Variants in TRAF7 observed in about 807,000 individuals in gnomAD.
The protein encoded by TRAF7 is E3 ubiquitin-protein ligase TRAF7.
In TRAF7, 45 loss-of-function variants were observed where a neutral mutation model predicts 89.3. The observed-to-expected ratio is 0.50, with a 90% CI of 0.40 to 0.65. TRAF7 has a LOEUF of 0.65. TRAF7 is among the 30% of genes least tolerant of loss of function. The pLI is 0.00. For missense variants in TRAF7, 677 were observed against 918.1 expected (o/e 0.74, Z 3.39); for synonymous variants, 406 against 369.2 (o/e 1.10, Z -1.14).
chr16:2,176,905 C>T lies in TRAF7; in HGVS notation c.*331C>T, dbSNP rs759441431. 1.4e-5 allele frequency: 7 copies of T among 500,842 alleles called. No homozygotes were observed. Among genetic ancestry groups the T allele is most frequent in the East Asian group, 1.0e-4 (3 of 28,788 alleles). The allele number at this position is 500,842 out of a possible 1,614,324, so 31.0% of individuals were successfully genotyped here. A position where few individuals can be genotyped will look rare whatever the true frequency, so the allele number is the denominator to read the frequency against. ...TTTAGACTGTATGTAGATTTGGTTACCTCCTGGTTGAAATAAATGCTCCAC... is the reference window on the plus strand; with the variant it reads ...TTTAGACTGTATGTAGATTTGGTTATCTCCTGGTTGAAATAAATGCTCCAC... On this transcript the variant is annotated 3_prime_UTR_variant, in exon 21 of 21. Transcript: ENST00000326181.
At position 2,165,883 on chromosome 16, in the gene TRAF7, G is replaced by T. The variant is rs1296845558; in HGVS notation, c.86G>T (p.Arg29Ile). The T allele has an allele frequency of 1.9e-6, 3 of 1,614,122 alleles. No homozygotes were observed. The highest frequency in any genetic ancestry group is 2.5e-6 in the Non-Finnish European group (3 of 1,179,968). Residue 29 changes from arginine to isoleucine, a missense_variant, in exon 3 of 21, where the codon AGA (arginine) becomes ATA (isoleucine). Arg to Ile is a moderately conservative substitution (Grantham distance 97). This residue lies in a region of TRAF7 where 240 missense variants were observed against 191.9 expected (regional missense o/e 1.25). Transcript: ENST00000326181. ...LPTPDVTTGT[R>I]METTFGPAFS... ...TCTCCTCCGTCCTCCCTCTAGACCA[G>T]AATGGAAACGACCTTCGGACCCGCC...
chr16:2,165,205 G>T (rs2093079090), intron 2 of TRAF7, among the ~76,000 whole-genome samples: 1 of 143,446 alleles, frequency 7.0e-6, no homozygotes, highest in Non-Finnish European at 1.5e-5. Flanking sequence ...GTGCTGCATG[G>T]CCTGGCCTGG....
chr16:2,165,839 G>T (rs780209037), intron 2 of TRAF7, 40 bp from the exon 3 acceptor site: 2 of 1,613,288 alleles, frequency 1.2e-6, no homozygotes, highest in Non-Finnish European at 1.7e-6. Flanking sequence ...TCCTCCTTGT[G>T]TCCCGGAATG....
intron 5 of TRAF7, 34 bp downstream of exon 5, chr16:2,170,764 C>T: frequency 6.4e-7 from 1 of 1,559,138 alleles, no homozygotes. Context: ...GAGCGGCTTC[C>T]AGGGCTGTCA....
chr16:2,156,294 T>C (rs141982173), intron 1 of TRAF7, among the ~76,000 whole-genome samples: 1 of 152,224 alleles, frequency 6.6e-6, no homozygotes, highest in East Asian at 1.9e-4. Flanking sequence ...TTGTAGGATG[T>C]GGAACAGCTT....
At position 2,158,594 on chromosome 16, in the gene TRAF7, G is replaced by A. The variant is rs1012824669; in HGVS notation, c.-39+2736G>A. 2.0e-5 allele frequency among the ~76,000 whole-genome samples: 3 copies of A among 152,228 alleles called. No homozygotes were observed. Among genetic ancestry groups the A allele is most frequent in the African/African-American group, 7.2e-5 (3 of 41,446 alleles). On this transcript the variant is annotated intron_variant, in intron 1 of 20. Transcript: ENST00000326181. The surrounding 1 kb of genome is among the most constrained non-coding windows in gnomAD (Gnocchi z 4.7). ...TGGCATGAGGGCGCTGGGTGACTGA[G>A]GGGGTCAGTGGTCTCTGCCCTCACA...
In TRAF7 at chr16:2,173,949, CA is replaced by C; in HGVS notation, c.1167del (p.Thr391ProfsTer82). 6.3e-7 allele frequency: 1 copy of C among 1,579,410 alleles called. No homozygotes were observed. The highest frequency in any genetic ancestry group is 8.6e-7 in the Non-Finnish European group (1 of 1,161,534). ...ACGACCCTCAGCAGATCTTCAAGTG[CA>C]AAGGGACCTTTGTGGGCCACCAGGG... Reference protein sequence around the residue: ...SYDPQQIFKCKGTFVGHQGPV... With the variant: ...SYDPQQIFKCXGTFVGHQGPV... On this transcript the variant is annotated frameshift_variant, in exon 13 of 21. Coordinates refer to ENST00000326181, the MANE Select transcript of TRAF7 (RefSeq NM_032271.3). LOFTEE classifies it high-confidence loss of function.
At position 2,163,571 on chromosome 16, in the gene TRAF7, G is replaced by A. The variant is rs1351411482; in HGVS notation, c.-38-312G>A. On this transcript the variant is annotated intron_variant, in intron 1 of 20. Coordinates refer to ENST00000326181, the MANE Select transcript of TRAF7 (RefSeq NM_032271.3). This position sits in a 1 kb window ranked among gnomAD's most constrained non-coding sequence, Gnocchi z 4.3. ...ACTGGCTGTGACTCAGGACCCAGAG[G>A]AGTAGAGGGAGCCAGGCAGGGGTCC... The A allele has an allele frequency of 2.8e-6, 1 of 358,598 alleles. No individual in the cohort carries two copies. The highest frequency in any genetic ancestry group is 5.3e-6 in the Non-Finnish European group (1 of 188,022). 22.2% of individuals were successfully genotyped at this position (358,598 alleles called of 1,614,324 possible).
chr16:2,166,083 C>T lies in TRAF7; in HGVS notation c.139+147C>T, dbSNP rs1596672567. 2.8e-5 allele frequency: 26 copies of T among 924,442 alleles called. No homozygotes were observed. The East Asian group carries it at 6.5e-4, about 23-fold the overall frequency. The allele number at this position is 924,442 out of a possible 1,614,324, so 57.3% of individuals were successfully genotyped here. Reference sequence around the variant, plus strand: ...GGCAGCCTCACACCGCAGCCTGTGTCCTCACAGCCTCTCAGCCCTGGGCCT... The same window carrying T: ...GGCAGCCTCACACCGCAGCCTGTGTTCTCACAGCCTCTCAGCCCTGGGCCT... On this transcript the variant is annotated intron_variant, in intron 3 of 20. Transcript: ENST00000326181.
intron 7 of TRAF7, 32 bp downstream of exon 7, chr16:2,171,637 C>T (rs762247279): frequency 1.4e-5 from 22 of 1,612,900 alleles, no homozygotes; most frequent in Middle Eastern, 1.6e-4. Context: ...GGCCTGACGC[C>T]GACCGTGCCC....
At chr16:2,164,656 G>A (rs1196205910) in intron 2 of TRAF7, among the ~76,000 whole-genome samples, 5 of 142,070 alleles carry the variant, frequency 3.5e-5, no homozygotes, top group Middle Eastern at 4.6e-3. Context: ...ATGGTTAAGC[G>A]TGTGAGTGCT....
At chr16:2,176,443 GA>G in intron 20 of TRAF7, 59 bp downstream of exon 20, 1 of 1,612,416 alleles carries the variant, frequency 6.2e-7, no homozygotes, top group Admixed American at 1.7e-5. Context: ...CGGGGGTGGG[GA>G]CGAGGAGCTG....
rs578107294 is a variant in TRAF7, at chr16:2,158,361, G to A, written c.-39+2503G>A. ...GCAGCCAGGTGGGGCAGGTGAAAGGGGAAAGCGGGCACTGGAGGCTGGGGC... is the reference window on the plus strand; with the variant it reads ...GCAGCCAGGTGGGGCAGGTGAAAGGAGAAAGCGGGCACTGGAGGCTGGGGC... On this transcript the variant is annotated intron_variant, in intron 1 of 20. Coordinates refer to ENST00000326181, the MANE Select transcript of TRAF7 (RefSeq NM_032271.3). The surrounding 1 kb of genome is among the most constrained non-coding windows in gnomAD (Gnocchi z 4.7). Among the ~76,000 whole-genome samples, 4 of 152,332 alleles carry A rather than the reference G, an allele frequency of 2.6e-5. No individual in the cohort carries two copies. In the East Asian group the frequency reaches 7.7e-4, roughly 29 times the overall value.
In TRAF7 at chr16:2,156,739, C is replaced by CG. The variant is rs976880499; in HGVS notation, c.-39+888dup. 1.6e-4 allele frequency among the ~76,000 whole-genome samples: 11 copies of CG among 67,950 alleles called. No individual in the cohort carries two copies. The South Asian group carries it at 1.9e-3, about 12-fold the overall frequency. The allele number at this position is 67,950 out of a possible 152,430, so 44.6% of individuals were successfully genotyped here. On this transcript the variant is annotated intron_variant, in intron 1 of 20. Transcript: ENST00000326181. ...TCACAGGGTGCATGGTGGGGTGGGG[C>CG]GGGGGGGTTATTATGCTGGCAAATG... is the stretch of plus-strand genomic sequence containing the variant.
intron 3 of TRAF7, among the ~76,000 whole-genome samples, chr16:2,166,999 G>T (rs550759918): frequency 6.6e-6 from 1 of 152,200 alleles, no homozygotes; most frequent in East Asian, 1.9e-4. Context: ...TGATAAACCT[G>T]GCCATGGGGT....
At chr16:2,173,677 G>A in intron 11 of TRAF7, 111 bp from the exon 12 acceptor site, 8 of 1,572,672 alleles carry the variant, frequency 5.1e-6, no homozygotes, top group Non-Finnish European at 7.0e-6. Context: ...TGTGGCAGGG[G>A]CTGCTGTCAC....
chr16:2,172,648 A>G, intron 9 of TRAF7, 49 bp downstream of exon 9: 1 of 1,527,764 alleles, frequency 6.5e-7, no homozygotes. Context: ...CAGGCCCTCC[A>G]CAGGCTCCGC....
intron 20 of TRAF7, 62 bp downstream of exon 20, chr16:2,176,446 G>A (rs979390711): frequency 2.2e-5 from 35 of 1,612,216 alleles, no homozygotes; most frequent in Non-Finnish European, 1.4e-5. Context: ...GGGTGGGGAC[G>A]AGGAGCTGGC....
chr16:2,176,658 G>A lies in TRAF7; in HGVS notation c.*84G>A, dbSNP rs2093138328. The stretch of plus-strand genomic sequence containing the variant: ...GCTGGCCACATGGGGTGGTCTCGGG[G>A]TTTCTGCCTGCCCCGTGGGCATAGG... On this transcript the variant is annotated 3_prime_UTR_variant, in exon 21 of 21. Coordinates refer to ENST00000326181, the MANE Select transcript of TRAF7 (RefSeq NM_032271.3). 4 of 1,603,424 alleles carry A rather than the reference G, an allele frequency of 2.5e-6. No homozygotes were observed. The highest frequency in any genetic ancestry group is 1.1e-5 in the South Asian group (1 of 90,586).
Sources: gnomAD v4.1 joint callset for allele counts (sites outside exome capture counted in the v4.1 genomes callset) on GRCh38, gnomAD v4.1.1 for gene constraint, gnomAD v4.1.1 regional missense constraint, Gnocchi (gnomAD v3.1) non-coding constraint, MANE v1.5 for transcripts, NCBI Gene and HGNC (gene_info 2026-07-23, HGNC 2026-07-21) for gene names.